The following TAF9 variants were observed in gnomAD, a reference collection of about 807,000 sequenced individuals.
TAF9 encodes transcription initiation factor TFIID subunit 9.
Under a neutral mutation model 16.5 loss-of-function variants are expected in TAF9, and 10 were observed. That is an observed-to-expected ratio of 0.61 (90% confidence interval 0.37 to 1.03). The LOEUF is 1.03. TAF9 is among the 50% of genes least tolerant of loss of function. The pLI is 0.01. For missense variants in TAF9, 288 were observed against 319.1 expected, an observed-to-expected ratio of 0.90 and a Z score of 0.74; for synonymous variants, 105 against 120.5, an observed-to-expected ratio of 0.87 and a Z score of 0.84.
intron 1 of TAF9, 62 bp downstream of exon 1, chr5:69,369,401 C>T (rs1031371956): frequency 2.3e-5 from 37 of 1,586,540 alleles, no homozygotes; most frequent in Non-Finnish European, 3.2e-5. Context: ...GCGCCCGATG[C>T]CCAGAGCACT....
Position 69,365,573 on chromosome 5 carries a change from T to G in TAF9, c.165A>C (p.Lys55Asn), listed in dbSNP as rs1375739918. The change falls in exon 3 of 3, where the codon AAA becomes AAC. Residue 55 changes from lysine to asparagine, a missense_variant. Coordinates refer to ENST00000217893, the MANE Select transcript of TAF9 (RefSeq NM_003187.5). Reference protein sequence around the residue: ...RYVTTILDDAKIYSSHAKKAT... With the variant: ...RYVTTILDDANIYSSHAKKAT... ...CTTTCTTAGCATGGCTTGAATAAAT[T>G]TTTGCATCATCTAGAATTGTGGTCA... The G allele has an allele frequency of 6.2e-7, 1 of 1,614,052 alleles. No homozygotes were observed.
At chr5:69,369,653 T>C (rs943303248), upstream of TAF9, 1 of 1,560,064 alleles carries the variant, frequency 6.4e-7, no homozygotes. Flanking sequence ...GGCCCACTGG[T>C]TACCTGGCTT....
chr5:69,366,591 T>C lies in TAF9; in HGVS notation c.-106A>G, dbSNP rs1243815537. ...CTAGTGTGGTTTTTCCAACCCCTGG[T>C]GTACCTGTAAGACAAGCCACAGAAA... is the stretch of plus-strand genomic sequence containing the variant. On this transcript the variant is annotated 5_prime_UTR_variant, in exon 2 of 3. Transcript: ENST00000217893. 1.2e-6 allele frequency: 2 copies of C among 1,612,620 alleles called. No individual in the cohort carries two copies. The highest frequency in any genetic ancestry group is 1.3e-5 in the African/African-American group (1 of 75,000).
chr5:69,367,069 T>C (rs755816570), intron 1 of TAF9, among the ~76,000 whole-genome samples: 14 of 152,016 alleles, frequency 9.2e-5, no homozygotes, highest in African/African-American at 3.1e-4. Context: ...ATATGTAAAT[T>C]AGCATGTACT....
At position 69,366,855 on chromosome 5, in the gene TAF9, T is replaced by C. The variant is rs1392501536; in HGVS notation, c.-110-260A>G. ...CTCACTGCAACCTCCACCTCCCAGG[T>C]TCAAGCGATTCTCCTGCCTCAGTCT... is the stretch of plus-strand genomic sequence containing the variant. On this transcript the variant is annotated intron_variant, in intron 1 of 2. Coordinates refer to ENST00000217893, the MANE Select transcript of TAF9 (RefSeq NM_003187.5). The C allele has an allele frequency of 7.4e-6, 3 of 404,236 alleles. No homozygotes were observed. In the Admixed American group the frequency reaches 1.1e-4, roughly 15 times the overall value. The allele number at this position is 404,236 out of a possible 1,614,324, so 25.0% of individuals were successfully genotyped here.
At chr5:69,366,900 A>T in intron 1 of TAF9, 1 of 296,048 alleles carries the variant, frequency 3.4e-6, no homozygotes, top group Non-Finnish European at 6.5e-6. Context: ...CTGGAATTAC[A>T]GGTGCCCACC....
Position 69,365,595 on chromosome 5 carries a change from G to A in TAF9, c.143C>T (p.Thr48Ile). ...QMLEFAFRYV[T>I]TILDDAKIYS... ...AATTTTTGCATCATCTAGAATTGTG[G>A]TCACATATCGGAAGGCAAACTCCAA... The change falls in exon 3 of 3, where the codon ACC becomes ATC. Residue 48 changes from threonine to isoleucine, a missense_variant. Transcript: ENST00000217893. 1.2e-6 allele frequency: 2 copies of A among 1,614,056 alleles called. No homozygotes were observed. Among genetic ancestry groups the A allele is most frequent in the Non-Finnish European group, 1.7e-6 (2 of 1,180,014 alleles).
At chr5:69,366,204 C>A (rs1439445211) in intron 2 of TAF9, among the ~76,000 whole-genome samples, 1 of 152,098 alleles carries the variant, frequency 6.6e-6, no homozygotes, top group Non-Finnish European at 1.5e-5. Flanking sequence ...TTTGTTTGTT[C>A]AACTTAAAAA....
chr5:69,366,756 A>G (rs1762444840), intron 1 of TAF9, 161 bp from the exon 2 acceptor site: 2 of 607,420 alleles, frequency 3.3e-6, no homozygotes, highest in Non-Finnish European at 5.8e-6. Flanking sequence ...ATTAGCAATC[A>G]TATGTAAAAT....
intron 1 of TAF9, among the ~76,000 whole-genome samples, chr5:69,368,293 C>T (rs545010169): frequency 5.9e-5 from 9 of 152,274 alleles, no homozygotes; most frequent in South Asian, 4.1e-4. Context: ...TCATCAAATT[C>T]ATAATTTTCA....
intron 1 of TAF9, chr5:69,369,236 G>GCC (rs35387047): frequency 5.9e-5 from 7 of 119,522 alleles, no homozygotes; most frequent in African/African-American, 1.6e-4. Context: ...ACCCCCCCCC[G>GCC]CCCCCCCCCG....
At chr5:69,369,239 C>CCCCCCCCA in intron 1 of TAF9, 1 of 212,970 alleles carries the variant, frequency 4.7e-6, no homozygotes, top group Non-Finnish European at 9.1e-6. Flanking sequence ...CCCCCCCGCC[C>CCCCCCCCA]CCCCCCGGAG....
At position 69,364,861 on chromosome 5, in the gene TAF9, T is replaced by C; in HGVS notation, c.*82A>G. On this transcript the variant is annotated 3_prime_UTR_variant, in exon 3 of 3. Coordinates refer to ENST00000217893, the MANE Select transcript of TAF9 (RefSeq NM_003187.5). ...TATTATTAGTTTTCTAAAACACAAC[T>C]TGAAAACATCCAGCATGCATGTTTA... The C allele has an allele frequency of 7.7e-7, 1 of 1,301,118 alleles. No individual in the cohort carries two copies. Among genetic ancestry groups the C allele is most frequent in the African/African-American group, 1.5e-5 (1 of 67,872 alleles). 80.6% of individuals were successfully genotyped at this position (1,301,118 alleles called of 1,614,324 possible).
At chr5:69,368,401 C>T (rs1238414935) in intron 1 of TAF9, among the ~76,000 whole-genome samples, 1 of 152,158 alleles carries the variant, frequency 6.6e-6, no homozygotes, top group Non-Finnish European at 1.5e-5. Flanking sequence ...CACCTCAAGT[C>T]CACTATAATA....
rs1356373548 is a variant in TAF9, at chr5:69,365,708, C to T, written c.30G>A (p.Lys10=). 1 of 1,570,134 alleles carries T rather than the reference C, an allele frequency of 6.4e-7. No homozygotes were observed. Among genetic ancestry groups the T allele is most frequent in the Non-Finnish European group, 8.6e-7 (1 of 1,157,122 alleles). MESGKTASP[K]SMPKDAQMMA... Reference sequence around the variant, plus strand: ...TCATCTGTGCATCTTTCGGCATGCTCTTGGGAGAAGCCGTCTTGCCAGACT... The same window carrying T: ...TCATCTGTGCATCTTTCGGCATGCTTTTGGGAGAAGCCGTCTTGCCAGACT... Residue 10 remains lysine (K), a synonymous_variant, in exon 3 of 3, where the codon AAG becomes AAA. Coordinates refer to ENST00000217893, the MANE Select transcript of TAF9 (RefSeq NM_003187.5).
chr5:69,366,934 T>C (rs559421630), intron 1 of TAF9: 171 of 233,910 alleles, frequency 7.3e-4, no homozygotes, highest in African/African-American at 3.6e-3. Context: ...AATTTTTGTA[T>C]TTTCAGTAGA....
In TAF9 at chr5:69,365,508, C is replaced by T; in HGVS notation, c.230G>A (p.Cys77Tyr). Reference sequence around the variant, plus strand: ...AGAGGTAAAAGACTGATCAGCGCGGCACTGGATTGCCAATCGCACATCATC... The same window carrying T: ...AGAGGTAAAAGACTGATCAGCGCGGTACTGGATTGCCAATCGCACATCATC... ...DADDVRLAIQ[C>Y]RADQSFTSPP... Residue 77 changes from cysteine to tyrosine, a missense_variant, in exon 3 of 3, where the codon TGC becomes TAC. Physicochemically the swap from Cys to Tyr is radical, Grantham distance 194. Transcript: ENST00000217893. 6.2e-7 allele frequency: 1 copy of T among 1,613,842 alleles called. No homozygotes were observed. The highest frequency in any genetic ancestry group is 2.2e-5 in the East Asian group (1 of 44,886).
At chr5:69,367,100 C>T (rs549275847) in intron 1 of TAF9, among the ~76,000 whole-genome samples, 6 of 152,138 alleles carry the variant, frequency 3.9e-5, no homozygotes, top group African/African-American at 1.4e-4. Context: ...AAAAATTTTC[C>T]AAAGCTAACT....
At position 69,365,192 on chromosome 5, in the gene TAF9, G is replaced by A. The variant is rs1187463635; in HGVS notation, c.546C>T (p.Leu182=). 3 of 1,614,106 alleles carry A rather than the reference G, an allele frequency of 1.9e-6. No homozygotes were observed. Among genetic ancestry groups the A allele is most frequent in the South Asian group, 1.1e-5 (1 of 91,090 alleles). The change falls in exon 3 of 3, where the codon CTC becomes CTT. Residue 182 remains leucine, a synonymous_variant. Transcript: ENST00000217893. ...VSTKVGTPMS[L]TGQRFTVQMP... ...TCTGTACTGTAAACCTTTGACCTGT[G>A]AGGGACATGGGAGTCCCTACTTTAG...
Sources: allele counts gnomAD v4.1 joint callset (sites outside exome capture counted in the v4.1 genomes callset), GRCh38; gene constraint gnomAD v4.1.1; transcripts MANE v1.5; gene names NCBI Gene and HGNC (gene_info 2026-07-23, HGNC 2026-07-21).